The following PGCKA1 variants were observed in gnomAD, a reference collection of about 807,000 sequenced individuals.
PGCKA1 encodes PDCD10 and GCKIII kinases associated 1.
chr4:37,549,028 A>G, the PGCKA1 span, among the ~76,000 whole-genome samples: 4 of 151,200 alleles, frequency 2.6e-5, no homozygotes, highest in Non-Finnish European at 4.4e-5. Context: ...AGTCATGCCA[A>G]GCTCTCTCTG....
chr4:37,492,924 A>C, the PGCKA1 span, among the ~76,000 whole-genome samples: 2 of 152,150 alleles, frequency 1.3e-5, no homozygotes, highest in Middle Eastern at 3.2e-3. This position sits in a 1 kb window ranked among gnomAD's most constrained non-coding sequence, Gnocchi z 4.7. Context: ...GCCCTGGTTC[A>C]GCTTTCTCAG....
At chr4:37,520,873 T>A in the PGCKA1 span, among the ~76,000 whole-genome samples, 1 of 152,214 alleles carries the variant, frequency 6.6e-6, no homozygotes, top group Non-Finnish European at 1.5e-5. Flanking sequence ...CGCCTCAGCC[T>A]CCCAAAGTGC....
the PGCKA1 span, among the ~76,000 whole-genome samples, chr4:37,564,302 AAC>A: frequency 8.6e-5 from 12 of 139,138 alleles, no homozygotes; most frequent in East Asian, 2.6e-4. Context: ...AAAGAAAAAA[AAC>A]CGAATATTCT....
At chr4:37,481,156 A>C in the PGCKA1 span, among the ~76,000 whole-genome samples, 1 of 152,192 alleles carries the variant, frequency 6.6e-6, no homozygotes, top group East Asian at 1.9e-4. Flanking sequence ...TTAGCCTAAG[A>C]TGGGCTTTTT....
the PGCKA1 span, among the ~76,000 whole-genome samples, chr4:37,514,892 T>G: frequency 6.6e-6 from 1 of 152,324 alleles, no homozygotes; most frequent in Admixed American, 6.5e-5. Context: ...GGGCTGTGGG[T>G]CAAGGTCCTC....
the PGCKA1 span, among the ~76,000 whole-genome samples, chr4:37,465,559 A>C: frequency 1.3e-5 from 2 of 152,128 alleles, no homozygotes; most frequent in African/African-American, 2.4e-5. Context: ...CACGAGGAGT[A>C]CCAAGAGAAG....
At chr4:37,533,058 C>CACT in the PGCKA1 span, among the ~76,000 whole-genome samples, 1 of 151,592 alleles carries the variant, frequency 6.6e-6, no homozygotes, top group African/African-American at 2.4e-5. Flanking sequence ...CACAAATCAT[C>CACT]TGGTATGTAA....
the PGCKA1 span, among the ~76,000 whole-genome samples, chr4:37,531,664 G>A: frequency 1.6e-4 from 24 of 151,500 alleles, no homozygotes; most frequent in East Asian, 3.1e-3. Flanking sequence ...AGGCCGAGGC[G>A]GGCGGATCAC....
chr4:37,542,322 G>A, the PGCKA1 span, among the ~76,000 whole-genome samples: 34 of 152,268 alleles, frequency 2.2e-4, no homozygotes, highest in African/African-American at 6.7e-4. Flanking sequence ...TGCTCAAACC[G>A]TATCAGGAGA....
chr4:37,568,135 T>G, the PGCKA1 span, among the ~76,000 whole-genome samples: 1 of 152,092 alleles, frequency 6.6e-6, no homozygotes, highest in Non-Finnish European at 1.5e-5. Flanking sequence ...ACCTCTCAGG[T>G]GCACAGGGCC....
chr4:37,548,450 T>C, the PGCKA1 span, among the ~76,000 whole-genome samples: 1 of 152,142 alleles, frequency 6.6e-6, no homozygotes, highest in African/African-American at 2.4e-5. Context: ...AAAGGTATCA[T>C]CCAGTTTTTC....
At chr4:37,575,988 G>A in the PGCKA1 span, among the ~76,000 whole-genome samples, 20,320 of 152,060 alleles carry the variant, frequency 0.13, 4,313 homozygotes, top group African/African-American at 0.45. Context: ...ATGCTGTACC[G>A]ATTACTATAT....
chr4:37,495,496 A>T, the PGCKA1 span, among the ~76,000 whole-genome samples: 1 of 152,212 alleles, frequency 6.6e-6, no homozygotes, highest in Non-Finnish European at 1.5e-5. Context: ...GATAAAAAAT[A>T]TAGCACATAT....
At chr4:37,535,034 A>C in the PGCKA1 span, among the ~76,000 whole-genome samples, 1 of 152,208 alleles carries the variant, frequency 6.6e-6, no homozygotes, top group South Asian at 2.1e-4. Context: ...TAAGAGGTGC[A>C]AGAGAGTGCC....
At chr4:37,562,416 G>A in the PGCKA1 span, among the ~76,000 whole-genome samples, 1 of 152,180 alleles carries the variant, frequency 6.6e-6, no homozygotes, top group Non-Finnish European at 1.5e-5. Context: ...TTTAGGCAGG[G>A]GAAGTGATAA....
chr4:37,526,862 T>C, the PGCKA1 span, among the ~76,000 whole-genome samples: 1 of 152,224 alleles, frequency 6.6e-6, no homozygotes, highest in South Asian at 2.1e-4. Context: ...CTTCCACTTA[T>C]TTAAAAAAAA....
the PGCKA1 span, among the ~76,000 whole-genome samples, chr4:37,557,016 A>G: frequency 2.0e-5 from 3 of 152,228 alleles, no homozygotes; most frequent in Non-Finnish European, 4.4e-5. Context: ...AACCATTCCA[A>G]TATCATAAGA....
the PGCKA1 span, among the ~76,000 whole-genome samples, chr4:37,542,531 G>A: frequency 1.3e-5 from 2 of 152,236 alleles, no homozygotes; most frequent in African/African-American, 4.8e-5. Flanking sequence ...ATTTAAGAAC[G>A]TGTAGATCAG....
the PGCKA1 span, among the ~76,000 whole-genome samples, chr4:37,571,166 A>C: frequency 6.6e-6 from 1 of 152,094 alleles, no homozygotes; most frequent in Non-Finnish European, 1.5e-5. Flanking sequence ...ACAAGCACCA[A>C]AGTCCCCCTC....
Sources: gnomAD v4.1 joint callset for allele counts (sites outside exome capture counted in the v4.1 genomes callset) on GRCh38, gnomAD v4.1.1 for gene constraint, Gnocchi (gnomAD v3.1) non-coding constraint, MANE v1.5 for transcripts, NCBI Gene and HGNC (gene_info 2026-07-23, HGNC 2026-07-21) for gene names.